Variants in OSBPL1A observed in about 807,000 individuals in gnomAD.
The protein encoded by OSBPL1A is oxysterol-binding protein-related protein 1.
OSBPL1A carries 80 observed loss-of-function variants against 137.1 expected under a neutral mutation model. The ratio of observed to expected loss-of-function variants is 0.58; its 90% CI spans 0.49 to 0.70. The LOEUF is 0.70. Among genes scored for constraint, OSBPL1A ranks in the 30% least tolerant of loss-of-function variants. The probability of loss-of-function intolerance (pLI) is 0.00; values close to 1 mark genes in which losing one functional copy is unlikely to be tolerated. For synonymous variants in OSBPL1A, 365 were observed against 389.7 expected, an observed-to-expected ratio of 0.94 and a Z score of 0.75; for missense variants, 970 against 1,129.4, an observed-to-expected ratio of 0.86 and a Z score of 2.02.
intron 17 of OSBPL1A, among the ~76,000 whole-genome samples, chr18:24,200,394 T>C (rs1037794080): frequency 2.0e-5 from 3 of 151,962 alleles, no homozygotes; most frequent in Middle Eastern, 3.2e-3. Flanking sequence ...AAACCCTGTC[T>C]CTACTAAAAA....
At chr18:24,300,448 A>C (rs1411984531) in intron 14 of OSBPL1A, among the ~76,000 whole-genome samples, 1 of 152,242 alleles carries the variant, frequency 6.6e-6, no homozygotes, top group East Asian at 1.9e-4. Flanking sequence ...ACCTTTACAA[A>C]AAATTAATCT....
intron 13 of OSBPL1A, among the ~76,000 whole-genome samples, chr18:24,304,987 G>C (rs1265502428): frequency 6.6e-6 from 1 of 152,154 alleles, no homozygotes; most frequent in African/African-American, 2.4e-5. Flanking sequence ...TGTGAATACA[G>C]GTTGAGGGGC....
In OSBPL1A at chr18:24,318,598, T is replaced by TA; in HGVS notation, c.732+2dup. On this transcript the variant is annotated splice_region_variant and intron_variant, in intron 9 of 27. Transcript: ENST00000319481. ...ATATAATTAAAAAACCACCTCAACT[T>TA]ACCTTCCAGAGAGGGCCCTCATATC... 2 of 1,606,308 alleles carry TA rather than the reference T, an allele frequency of 1.2e-6. No homozygotes were observed. Among genetic ancestry groups the TA allele is most frequent in the Non-Finnish European group, 1.7e-6 (2 of 1,177,792 alleles).
At chr18:24,219,015 G>A (rs747865314) in intron 17 of OSBPL1A, among the ~76,000 whole-genome samples, 4 of 151,994 alleles carry the variant, frequency 2.6e-5, no homozygotes, top group South Asian at 2.1e-4. Context: ...ATAGGAGGCC[G>A]AGCGCAGTGG....
In OSBPL1A at chr18:24,358,450, C is replaced by T. The variant is rs115349528; in HGVS notation, c.282+8442G>A. The T allele has an allele frequency of 3.6e-3, 2,515 of 702,234 alleles. 34 individuals carry two copies. The highest frequency in any genetic ancestry group is 0.023 in the East Asian group (861 of 37,282). The allele number at this position is 702,234 out of a possible 1,614,324, so 43.5% of individuals were successfully genotyped here. On this transcript the variant is annotated intron_variant, in intron 4 of 27. Coordinates refer to ENST00000319481, the MANE Select transcript of OSBPL1A (RefSeq NM_080597.4). ...CCCACCCTCGTGCACAGGTGTGATG[C>T]CACGAGCACTCCATAAACCTGCTGC...
At chr18:24,212,255 G>A (rs1599499952) in intron 17 of OSBPL1A, among the ~76,000 whole-genome samples, 1 of 150,744 alleles carries the variant, frequency 6.6e-6, no homozygotes, top group East Asian at 1.9e-4. Context: ...TTTAATTTTA[G>A]TAGAATGTTG....
chr18:24,348,435 T>C (rs1364225190), intron 4 of OSBPL1A, among the ~76,000 whole-genome samples: 2 of 152,180 alleles, frequency 1.3e-5, no homozygotes, highest in African/African-American at 2.4e-5. Context: ...TTTAAAGATA[T>C]GGAACCTGAG....
At chr18:24,295,675 G>T (rs559328592) in intron 14 of OSBPL1A, among the ~76,000 whole-genome samples, 11 of 152,106 alleles carry the variant, frequency 7.2e-5, no homozygotes, top group African/African-American at 2.4e-4. Context: ...CCTATTTTGG[G>T]GAAAAGCTAT....
chr18:24,333,657 C>G (rs752329697), intron 6 of OSBPL1A, among the ~76,000 whole-genome samples: 1 of 152,166 alleles, frequency 6.6e-6, no homozygotes, highest in African/African-American at 2.4e-5. Context: ...GTGCTTCAGT[C>G]ATGAATTCAG....
chr18:24,268,135 A>G (rs2089628531), intron 15 of OSBPL1A, among the ~76,000 whole-genome samples: 1 of 151,830 alleles, frequency 6.6e-6, no homozygotes, highest in Non-Finnish European at 1.5e-5. Context: ...TTTATTTTTG[A>G]GACAGGGTCT....
intron 7 of OSBPL1A, among the ~76,000 whole-genome samples, chr18:24,331,312 C>T (rs1374891973): frequency 6.6e-6 from 1 of 151,990 alleles, no homozygotes; most frequent in Non-Finnish European, 1.5e-5. Context: ...CTGTGGGACC[C>T]CTGATGAGGC....
At chr18:24,225,641 G>A (rs2088049439) in intron 16 of OSBPL1A, among the ~76,000 whole-genome samples, 1 of 151,966 alleles carries the variant, frequency 6.6e-6, no homozygotes, top group South Asian at 2.1e-4. Context: ...ATCCAATACT[G>A]TAGACATAAA....
At chr18:24,256,551 T>C (rs186874333) in intron 15 of OSBPL1A, among the ~76,000 whole-genome samples, 5 of 152,292 alleles carry the variant, frequency 3.3e-5, no homozygotes, top group South Asian at 2.1e-4. Flanking sequence ...CTTTAAGATA[T>C]GGAACACAAC....
intron 4 of OSBPL1A, among the ~76,000 whole-genome samples, chr18:24,361,760 C>A (rs564139979): frequency 1.3e-5 from 2 of 152,112 alleles, no homozygotes; most frequent in South Asian, 4.2e-4. Context: ...CTCCTATAAC[C>A]CCAGCACTTT....
Position 24,239,328 on chromosome 18 carries a change from C to T in OSBPL1A, c.1336G>A (p.Ala446Thr), listed in dbSNP as rs761705069. Residue 446 changes from alanine to threonine, a missense_variant, in exon 16 of 28, where the codon GCA becomes ACA. Coordinates refer to ENST00000319481, the MANE Select transcript of OSBPL1A (RefSeq NM_080597.4). Reference sequence around the variant, plus strand: ...TGTTCAGTGGCCAGCGTCTCCAGTGCTTCTGACAAGATTTTGTTTTTTTCT... The same window carrying T: ...TGTTCAGTGGCCAGCGTCTCCAGTGTTTCTGACAAGATTTTGTTTTTTTCT... ...EQEKNKILSE[A>T]LETLATEHHE... 3 of 1,614,072 alleles carry T rather than the reference C, an allele frequency of 1.9e-6. No homozygotes were observed. The highest frequency in any genetic ancestry group is 2.5e-6 in the Non-Finnish European group (3 of 1,179,966).
rs2146129547 is a variant in OSBPL1A at position 24,323,994 on chromosome 18, G to A, written c.626-5185C>T. ...TTCCAAGTCTTTGCTATTGTGAATAGTGCCGCAATAAACATACGTGTGCAT... is the reference window on the plus strand; with the variant it reads ...TTCCAAGTCTTTGCTATTGTGAATAATGCCGCAATAAACATACGTGTGCAT... On this transcript the variant is annotated intron_variant, in intron 7 of 27. Transcript: ENST00000319481. 3.0e-5 allele frequency among the ~76,000 whole-genome samples: 2 copies of A among 67,240 alleles called. 1 individual carries two copies. The highest frequency in any genetic ancestry group is 1.8e-4 in the African/African-American group (2 of 11,354). The allele number at this position is 67,240 out of a possible 152,430, so 44.1% of individuals were successfully genotyped here.
chr18:24,209,259 TA>T (rs1308530500), intron 17 of OSBPL1A, among the ~76,000 whole-genome samples: 3 of 152,142 alleles, frequency 2.0e-5, no homozygotes, highest in Admixed American at 6.5e-5. Flanking sequence ...CAAACAAATT[TA>T]AAATGGGCAA....
chr18:24,295,934 A>G (rs1029809126), intron 14 of OSBPL1A, among the ~76,000 whole-genome samples: 11 of 151,992 alleles, frequency 7.2e-5, no homozygotes, highest in Non-Finnish European at 1.5e-4. Flanking sequence ...AAAGTCCAAT[A>G]ATGTGATACC....
chr18:24,173,519 T>A, intron 21 of OSBPL1A, among the ~76,000 whole-genome samples: 1 of 152,200 alleles, frequency 6.6e-6, no homozygotes, highest in East Asian at 1.9e-4. Context: ...TTCAAGTGAT[T>A]CTCGGGCCTC....
Sources: allele counts gnomAD v4.1 joint callset (sites outside exome capture counted in the v4.1 genomes callset), GRCh38; gene constraint gnomAD v4.1.1; transcripts MANE v1.5; gene names NCBI Gene and HGNC (gene_info 2026-07-23, HGNC 2026-07-21).